Variants in GRIN2D observed in about 807,000 individuals in gnomAD.
The protein encoded by GRIN2D is glutamate receptor ionotropic, NMDA 2D.
A neutral mutation model predicts 103.2 loss-of-function variants in GRIN2D; 37 were observed. The ratio of observed to expected loss-of-function variants is 0.36; its 90% CI spans 0.28 to 0.47. The LOEUF is 0.47. Ranked by LOEUF, GRIN2D falls within the 20% of genes least tolerant of loss-of-function variation. The pLI is 1.00. For missense variants in GRIN2D, 1,557 were observed against 1,910.6 expected (o/e 0.81, Z 3.45); for synonymous variants, 845 against 885.6 (o/e 0.95, Z 0.81).
intron 9 of GRIN2D, 70 bp from the exon 10 acceptor site, chr19:48,419,515 C>A: frequency 8.5e-7 from 1 of 1,182,266 alleles, no homozygotes; most frequent in Non-Finnish European, 1.2e-6. Flanking sequence ...GTAGTTCTTT[C>A]TTTTTTTTTT....
rs77992710 is a variant in GRIN2D at position 48,404,991 on chromosome 19, G to A, written c.723G>A (p.Ala241=). The A allele has an allele frequency of 1.2e-6, 2 of 1,612,262 alleles. No homozygotes were observed. The highest frequency in any genetic ancestry group is 1.3e-5 in the African/African-American group (1 of 75,048). The change falls in exon 4 of 14, where the codon GCG becomes GCA. Residue 241 remains alanine, a synonymous_variant. Transcript: ENST00000263269. ...VLSAQLRSVS[A]QIRLLFCARE... ...GTGCCCAGCTCCGCAGTGTCAGCGC[G>A]CAGATCCGCCTGCTCTTCTGCGCCC...
chr19:48,434,831 T>C lies in GRIN2D; in HGVS notation c.2253-6938T>C, dbSNP rs1033020305. Among the ~76,000 whole-genome samples the C allele has an allele frequency of 2.0e-5, 3 of 152,258 alleles. No homozygotes were observed. In the South Asian group the frequency reaches 6.2e-4, roughly 32 times the overall value. On this transcript the variant is annotated intron_variant, in intron 11 of 13. Transcript: ENST00000263269. ...CCTGACCCCAAGGAATCTGCTGGCC[T>C]CAGCCTCCCAAAGTGCTGGGATTAT... is the stretch of plus-strand genomic sequence containing the variant.
intron 8 of GRIN2D, among the ~76,000 whole-genome samples, chr19:48,419,007 C>T (rs1333043401): frequency 6.6e-6 from 1 of 151,644 alleles, no homozygotes; most frequent in East Asian, 1.9e-4. Flanking sequence ...GCACCTTGTT[C>T]CCTGCTGGTA....
Position 48,443,072 on chromosome 19 carries a change from C to A in GRIN2D, c.3146C>A (p.Ala1049Asp), listed in dbSNP as rs1488884762. 1 of 1,036,390 alleles carries A rather than the reference C, an allele frequency of 9.6e-7. No individual in the cohort carries two copies. Among genetic ancestry groups the A allele is most frequent in the South Asian group, 3.6e-5 (1 of 27,428 alleles). The allele number at this position is 1,036,390 out of a possible 1,614,324, so 64.2% of individuals were successfully genotyped here. ...TAVGPPLCRLAFEDESPPAPA... is the reference protein window; with the variant it reads ...TAVGPPLCRLDFEDESPPAPA... Reference sequence around the variant, plus strand: ...GTCGGGCCGCCACTCTGCCGCTTGGCCTTCGAGGACGAGAGCCCGCCGGCG... The same window carrying A: ...GTCGGGCCGCCACTCTGCCGCTTGGACTTCGAGGACGAGAGCCCGCCGGCG... The change falls in exon 14 of 14, where the codon GCC becomes GAC. Residue 1049 changes from alanine (A) to aspartate (D), a missense_variant. Ala to Asp is a moderately radical substitution (Grantham distance 126). Transcript: ENST00000263269. The surrounding 1 kb of genome is among the most constrained non-coding windows in gnomAD (Gnocchi z 8.9).
At chr19:48,430,705 C>A (rs1600989479) in intron 11 of GRIN2D, among the ~76,000 whole-genome samples, 1 of 152,054 alleles carries the variant, frequency 6.6e-6, no homozygotes, top group East Asian at 1.9e-4. Flanking sequence ...TTAACTAATT[C>A]AAACCCAAAT....
rs530232831 is a variant in GRIN2D at position 48,429,368 on chromosome 19, G to C, written c.2252+7423G>C. The stretch of plus-strand genomic sequence containing the variant: ...AGCCTCCCAAGCAGCTGGGACTACA[G>C]GTGTGCACCCCCACATCTGATTAAT... On this transcript the variant is annotated intron_variant, in intron 11 of 13. Transcript: ENST00000263269. Among the ~76,000 whole-genome samples, 10 of 151,946 alleles carry C rather than the reference G, an allele frequency of 6.6e-5. No homozygotes were observed. The East Asian group carries it at 1.9e-3, about 29-fold the overall frequency.
chr19:48,395,543 C>T (rs1970629156), intron 2 of GRIN2D, among the ~76,000 whole-genome samples: 1 of 151,942 alleles, frequency 6.6e-6, no homozygotes, highest in African/African-American at 2.4e-5. Context: ...ATGCCGTCTG[C>T]AGCACAACTC....
In GRIN2D at chr19:48,436,389, A is replaced by G. The variant is rs141830117; in HGVS notation, c.2253-5380A>G. On this transcript the variant is annotated intron_variant, in intron 11 of 13. Transcript: ENST00000263269. ...GTCTGGGTGGCGTCAGCTGATCCAT[A>G]GAGTGTAGGGTCTGTAGAATATCTC... Among the ~76,000 whole-genome samples the G allele has an allele frequency of 1.1e-3, 163 of 152,200 alleles. 1 individual carries two copies. Among genetic ancestry groups the G allele is most frequent in the African/African-American group, 3.4e-3 (141 of 41,542 alleles).
In GRIN2D at chr19:48,433,571, A is replaced by G. The variant is rs557791676; in HGVS notation, c.2253-8198A>G. Among the ~76,000 whole-genome samples, 8 of 152,256 alleles carry G rather than the reference A, an allele frequency of 5.3e-5. No homozygotes were observed. In the East Asian group the frequency reaches 1.4e-3, roughly 26 times the overall value. On this transcript the variant is annotated intron_variant, in intron 11 of 13. Coordinates refer to ENST00000263269, the MANE Select transcript of GRIN2D (RefSeq NM_000836.4). ...TACCGCTTCCGGCAAGTAACCCCAC[A>G]GGGGGAGAAAGGAAATGCACGTCCT...
rs1273065920 is a variant in GRIN2D at position 48,419,305 on chromosome 19, A to G, written c.1807A>G (p.Ile603Val). 8 of 1,610,026 alleles carry G rather than the reference A, an allele frequency of 5.0e-6. No individual in the cohort carries two copies. Among genetic ancestry groups the G allele is most frequent in the Non-Finnish European group, 5.1e-6 (6 of 1,179,594 alleles). ...CACTGTGGTCGCCGTCACTGTTTTC[A>G]TCTTCGAGTACCTCAGTCCTGTTGG... ...CLTVVAVTVF[I>V]FEYLSPVGYN... Residue 603 changes from isoleucine (I) to valine (V), a missense_variant, in exon 9 of 14, where the codon ATC becomes GTC. Ile to Val is a conservative substitution (Grantham distance 29, BLOSUM62 3). Transcript: ENST00000263269.
intron 3 of GRIN2D, among the ~76,000 whole-genome samples, chr19:48,399,258 G>A (rs1260550601): frequency 1.3e-5 from 2 of 152,144 alleles, no homozygotes; most frequent in Non-Finnish European, 2.9e-5. Flanking sequence ...GATCAGCACA[G>A]GAAGAAGTCA....
At chr19:48,435,732 C>T (rs548599745) in intron 11 of GRIN2D, among the ~76,000 whole-genome samples, 1 of 152,312 alleles carries the variant, frequency 6.6e-6, no homozygotes, top group South Asian at 2.1e-4. Context: ...GAAGCATGAG[C>T]CACCACACCC....
Position 48,443,241 on chromosome 19 carries a change from C to A in GRIN2D, c.3315C>A (p.Tyr1105Ter). Reference sequence around the variant, plus strand: ...GCGCCGCGCCGCCCCCGTGCCCTTACCTCGATCTCGAGCCGTCGCCGTCGG... The same window carrying A: ...GCGCCGCGCCGCCCCCGTGCCCTTAACTCGATCTCGAGCCGTCGCCGTCGG... ...PCRAAPPPCP[Y>*]LDLEPSPSDS... Residue 1105 changes from tyrosine (Y) to a stop codon, truncating the protein, a stop_gained, in exon 14 of 14, where the codon TAC (tyrosine) becomes TAA (stop). Transcript: ENST00000263269. LOFTEE classifies it high-confidence loss of function. The surrounding 1 kb of genome is among the most constrained non-coding windows in gnomAD (Gnocchi z 8.9). 1 of 1,446,200 alleles carries A rather than the reference C, an allele frequency of 6.9e-7. No homozygotes were observed. The highest frequency in any genetic ancestry group is 9.1e-7 in the Non-Finnish European group (1 of 1,098,312). The allele number at this position is 1,446,200 out of a possible 1,614,324, so 89.6% of individuals were successfully genotyped here. A position where few individuals can be genotyped will look rare whatever the true frequency, so the allele number is the denominator to read the frequency against.
At chr19:48,397,670 A>T (rs1465017665) in intron 2 of GRIN2D, among the ~76,000 whole-genome samples, 1 of 149,008 alleles carries the variant, frequency 6.7e-6, no homozygotes, top group East Asian at 2.0e-4. Flanking sequence ...GGCCTCCCTC[A>T]TTCCTGTTTC....
In GRIN2D at chr19:48,398,448, T is replaced by C; in HGVS notation, c.56T>C (p.Leu19Pro). 9.1e-7 allele frequency: 1 copy of C among 1,101,008 alleles called. No individual in the cohort carries two copies. Among genetic ancestry groups the C allele is most frequent in the Non-Finnish European group, 1.1e-6 (1 of 905,192 alleles). 68.2% of individuals were successfully genotyped at this position (1,101,008 alleles called of 1,614,324 possible). A position where few individuals can be genotyped will look rare whatever the true frequency, so the allele number is the denominator to read the frequency against. ...CGGGGCCCCGCTAAGATGCTGCTGC[T>C]GCTGGCGCTGGCCTGCGCCAGCCCG... is the stretch of plus-strand genomic sequence containing the variant. ...GPRGPAKMLL[L>P]LALACASPFP... Residue 19 changes from leucine to proline, a missense_variant, in exon 3 of 14, where the codon CTG (leucine) becomes CCG (proline). Coordinates refer to ENST00000263269, the MANE Select transcript of GRIN2D (RefSeq NM_000836.4).
At position 48,443,261 on chromosome 19, in the gene GRIN2D, C is replaced by T. The variant is rs757836391; in HGVS notation, c.3335C>T (p.Pro1112Leu). The T allele has an allele frequency of 2.6e-6, 4 of 1,527,372 alleles. No individual in the cohort carries two copies. The East Asian group carries it at 1.1e-4, about 41-fold the overall frequency. 94.6% of individuals were successfully genotyped at this position (1,527,372 alleles called of 1,614,324 possible). The change falls in exon 14 of 14, where the codon CCG becomes CTG. Residue 1112 changes from proline to leucine, a missense_variant. This residue lies in a region of GRIN2D where 632 missense variants were observed against 572.8 expected (regional missense o/e 1.10). Transcript: ENST00000263269. This position sits in a 1 kb window ranked among gnomAD's most constrained non-coding sequence, Gnocchi z 8.9. ...CCTTACCTCGATCTCGAGCCGTCGCCGTCGGACTCGGAGGACTCGGAGAGC... is the reference window on the plus strand; with the variant it reads ...CCTTACCTCGATCTCGAGCCGTCGCTGTCGGACTCGGAGGACTCGGAGAGC... ...PCPYLDLEPSPSDSEDSESLG... is the reference protein window; with the variant it reads ...PCPYLDLEPSLSDSEDSESLG...
intron 3 of GRIN2D, among the ~76,000 whole-genome samples, chr19:48,404,055 C>T (rs562143142): frequency 6.6e-5 from 10 of 152,302 alleles, no homozygotes; most frequent in African/African-American, 1.9e-4. Flanking sequence ...GCCTGGCCAA[C>T]ATGGAGAAAA....
chr19:48,411,660 A>C (rs1022660743), intron 4 of GRIN2D, among the ~76,000 whole-genome samples: 1 of 151,930 alleles, frequency 6.6e-6, no homozygotes, highest in African/African-American at 2.4e-5. Flanking sequence ...ATAATAAATA[A>C]ATAAATAAAT....
At chr19:48,423,136 A>G (rs2147458945) in intron 11 of GRIN2D, among the ~76,000 whole-genome samples, 1 of 151,894 alleles carries the variant, frequency 6.6e-6, no homozygotes, top group South Asian at 2.1e-4. Context: ...GCTTGAATGC[A>G]GGAGGCGGAG....
Sources: gnomAD v4.1 joint callset for allele counts (sites outside exome capture counted in the v4.1 genomes callset) on GRCh38, gnomAD v4.1.1 for gene constraint, gnomAD v4.1.1 regional missense constraint, Gnocchi (gnomAD v3.1) non-coding constraint, MANE v1.5 for transcripts, NCBI Gene and HGNC (gene_info 2026-07-23, HGNC 2026-07-21) for gene names.